SPARCL1: variants seen among roughly 807,000 people sequenced by gnomAD.
The protein encoded by SPARCL1 is SPARC-like protein 1.
Under a neutral mutation model 67.1 loss-of-function variants are expected in SPARCL1, and 52 were observed. That is an observed-to-expected ratio of 0.78 (90% confidence interval 0.62 to 0.98). The LOEUF is 0.98. SPARCL1 is among the 50% of genes least tolerant of loss of function. The pLI is 0.00. For synonymous variants in SPARCL1, 226 were observed against 267.8 expected, an observed-to-expected ratio of 0.84 and a Z score of 1.52; for missense variants, 717 against 782.4, an observed-to-expected ratio of 0.92 and a Z score of 1.00.
chr4:87,508,247 C>A (rs1009137500), intron 1 of SPARCL1, among the ~76,000 whole-genome samples: 3 of 151,718 alleles, frequency 2.0e-5, no homozygotes, highest in Non-Finnish European at 2.9e-5. Flanking sequence ...GGGTCTCACT[C>A]TGACTGTGAG....
chr4:87,490,998 G>T, intron 5 of SPARCL1, 120 bp from the exon 6 acceptor site: 1 of 589,356 alleles, frequency 1.7e-6, no homozygotes, highest in Non-Finnish European at 2.9e-6. Context: ...CTTGAAATTT[G>T]CAAATTTGGA....
intron 1 of SPARCL1, among the ~76,000 whole-genome samples, chr4:87,505,104 C>T (rs1460693382): frequency 6.6e-6 from 1 of 152,198 alleles, no homozygotes; most frequent in East Asian, 1.9e-4. Flanking sequence ...GTGTCCCTGA[C>T]TGCCAGGAGA....
intron 10 of SPARCL1, among the ~76,000 whole-genome samples, chr4:87,474,136 C>G (rs1723464775): frequency 1.3e-5 from 2 of 152,112 alleles, no homozygotes; most frequent in African/African-American, 4.8e-5. Context: ...GCCCAGTATA[C>G]TAATCTAGAA....
At chr4:87,505,653 C>T (rs984919524) in intron 1 of SPARCL1, among the ~76,000 whole-genome samples, 6 of 151,584 alleles carry the variant, frequency 4.0e-5, no homozygotes, top group Non-Finnish European at 7.4e-5. Context: ...TTCCTGGGCT[C>T]AGGTGATCCT....
At chr4:87,524,679 C>G (rs1725965766) in intron 1 of SPARCL1, among the ~76,000 whole-genome samples, 1 of 152,116 alleles carries the variant, frequency 6.6e-6, no homozygotes, top group African/African-American at 2.4e-5. Context: ...GACTGTGCTC[C>G]CATCTCCTCA....
intron 10 of SPARCL1, among the ~76,000 whole-genome samples, chr4:87,477,942 A>G (rs1723647169): frequency 6.6e-6 from 1 of 152,222 alleles, no homozygotes; most frequent in Admixed American, 6.5e-5. Context: ...ACAGAATGAT[A>G]TTGCAAGGAA....
intron 7 of SPARCL1, among the ~76,000 whole-genome samples, chr4:87,487,350 G>T (rs905333336): frequency 6.6e-6 from 1 of 152,078 alleles, no homozygotes; most frequent in East Asian, 1.9e-4. Flanking sequence ...CTTCACTTAT[G>T]AAGCTTAGTT....
At chr4:87,482,296 G>T in intron 8 of SPARCL1, 128 bp downstream of exon 8, 1 of 941,964 alleles carries the variant, frequency 1.1e-6, no homozygotes, top group Non-Finnish European at 1.6e-6. Flanking sequence ...AGCCACATGG[G>T]CTAACCGGGC....
At chr4:87,485,984 C>G (rs947775726) in intron 7 of SPARCL1, among the ~76,000 whole-genome samples, 4 of 151,854 alleles carry the variant, frequency 2.6e-5, no homozygotes. Context: ...GGCTAGCTGT[C>G]TATCTATTTT....
chr4:87,488,562 G>C (rs1201445055), intron 7 of SPARCL1, among the ~76,000 whole-genome samples: 2 of 152,212 alleles, frequency 1.3e-5, no homozygotes, highest in Non-Finnish European at 2.9e-5. Context: ...CAGTCAGGAG[G>C]CATGGGGGTC....
At chr4:87,475,849 T>C (rs1723562898) in intron 10 of SPARCL1, among the ~76,000 whole-genome samples, 1 of 152,192 alleles carries the variant, frequency 6.6e-6, no homozygotes, top group South Asian at 2.1e-4. Flanking sequence ...TTAAAACAGA[T>C]CTACTATTCA....
chr4:87,511,983 G>A (rs369662968), intron 1 of SPARCL1, among the ~76,000 whole-genome samples: 580 of 28,500 alleles, frequency 0.02, 9 homozygotes, highest in African/African-American at 0.083. Context: ...TTTTTTTTTT[G>A]AGACAGAGTC....
chr4:87,527,108 A>G (rs181635733), intron 1 of SPARCL1, among the ~76,000 whole-genome samples: 3 of 152,350 alleles, frequency 2.0e-5, no homozygotes, highest in East Asian at 1.9e-4. Flanking sequence ...TGGAACAATC[A>G]TCAAGACCAT....
Position 87,499,542 on chromosome 4 carries a change from C to A in SPARCL1, c.33G>T (p.Leu11Phe). 6.3e-7 allele frequency: 1 copy of A among 1,597,708 alleles called. No homozygotes were observed. Among genetic ancestry groups the A allele is most frequent in the Non-Finnish European group, 8.5e-7 (1 of 1,176,062 alleles). Residue 11 changes from leucine (L) to phenylalanine (F), a missense_variant, in exon 2 of 11, where the codon TTG (leucine) becomes TTT (phenylalanine). By Grantham distance (22) the Leu-to-Phe change is conservative. Transcript: ENST00000282470. ...TTACCGGGATTGCAGCTGCAGTTCCCAAGAGACATAGGAAAAAAAGCCCAG... is the reference window on the plus strand; with the variant it reads ...TTACCGGGATTGCAGCTGCAGTTCCAAAGAGACATAGGAAAAAAAGCCCAG... The part of the protein sequence containing the change: MKTGLFFLCL[L>F]GTAAAIPTNA...
intron 1 of SPARCL1, among the ~76,000 whole-genome samples, chr4:87,504,071 T>G (rs1442966607): frequency 1.3e-5 from 2 of 150,818 alleles, no homozygotes; most frequent in Non-Finnish European, 1.5e-5. Flanking sequence ...GTGGGCCACC[T>G]GGACCAGGGA....
chr4:87,479,107 G>A (rs1011881334), intron 10 of SPARCL1, among the ~76,000 whole-genome samples: 1 of 152,172 alleles, frequency 6.6e-6, no homozygotes, highest in Non-Finnish European at 1.5e-5. Flanking sequence ...GGTTAAGGTA[G>A]GATATGAAAT....
At chr4:87,492,333 G>A (rs939201820) in intron 4 of SPARCL1, among the ~76,000 whole-genome samples, 26 of 151,516 alleles carry the variant, frequency 1.7e-4, no homozygotes, top group Non-Finnish European at 3.1e-4. Context: ...CAGGAGAATT[G>A]CTTGAACCTG....
intron 9 of SPARCL1, among the ~76,000 whole-genome samples, chr4:87,480,107 A>G (rs1337805037): frequency 6.6e-6 from 1 of 152,106 alleles, no homozygotes; most frequent in Non-Finnish European, 1.5e-5. Flanking sequence ...TGAGAAATGG[A>G]ATTAAAAGAT....
intron 10 of SPARCL1, among the ~76,000 whole-genome samples, chr4:87,475,411 T>G (rs899208580): frequency 2.0e-5 from 3 of 152,204 alleles, no homozygotes; most frequent in Non-Finnish European, 2.9e-5. Context: ...TTCATTCTCC[T>G]TACTGAATTC....
Sources: gnomAD v4.1 joint callset for allele counts (sites outside exome capture counted in the v4.1 genomes callset) on GRCh38, gnomAD v4.1.1 for gene constraint, MANE v1.5 for transcripts, NCBI Gene and HGNC (gene_info 2026-07-23, HGNC 2026-07-21) for gene names.